Variants in PTPRD observed in about 807,000 individuals in gnomAD.
The protein encoded by PTPRD is protein tyrosine phosphatase receptor type D.
In PTPRD, 34 loss-of-function variants were observed where a neutral mutation model predicts 214.5. The ratio of observed to expected loss-of-function variants is 0.16; its 90% CI spans 0.12 to 0.21. The LOEUF is 0.21. Ranked by LOEUF, PTPRD falls within the 10% of genes least tolerant of loss-of-function variation. The pLI, the probability that PTPRD is intolerant of heterozygous loss-of-function variation, is 1.00. For missense variants in PTPRD, 2,545 were observed against 2,398.7 expected (o/e 1.06, Z -1.27); for synonymous variants, 1,128 against 845.7 (o/e 1.33, Z -5.79).
rs555225489 is a variant in PTPRD, at chr9:9,170,258, C to T, written c.-143+13046G>A. On this transcript the variant is annotated intron_variant, in intron 10 of 45. Coordinates refer to ENST00000381196, the MANE Select transcript of PTPRD (RefSeq NM_002839.4). ...CTGAATTATTTTTCTGAAACCCATA[C>T]CAAAAATGTTCATTAGAGTTCTTGT... Among the ~76,000 whole-genome samples the T allele has an allele frequency of 8.9e-4, 136 of 152,140 alleles. 4 individuals carry two copies. In the South Asian group the frequency reaches 0.027, roughly 30 times the overall value.
intron 12 of PTPRD, among the ~76,000 whole-genome samples, chr9:8,637,198 G>A (rs1468626034): frequency 6.6e-6 from 1 of 152,144 alleles, no homozygotes; most frequent in Non-Finnish European, 1.5e-5. Flanking sequence ...ATCAAAGTGG[G>A]TAAAATTTTA....
intron 12 of PTPRD, among the ~76,000 whole-genome samples, chr9:8,720,564 C>A (rs2098482210): frequency 6.6e-6 from 1 of 152,146 alleles, no homozygotes; most frequent in Non-Finnish European, 1.5e-5. Context: ...TGAAAGCAGA[C>A]CTTACTGCTG....
chr9:10,572,782 C>T (rs2067883937), intron 2 of PTPRD, among the ~76,000 whole-genome samples: 2 of 152,104 alleles, frequency 1.3e-5, no homozygotes, highest in Non-Finnish European at 2.9e-5. Context: ...TACTAATAAA[C>T]AACATCACTT....
At chr9:9,533,165 G>T (rs2075849110) in intron 8 of PTPRD, among the ~76,000 whole-genome samples, 1 of 152,108 alleles carries the variant, frequency 6.6e-6, no homozygotes, top group South Asian at 2.1e-4. Flanking sequence ...GGCTCCTTAA[G>T]GAGGGCATAT....
At chr9:10,189,606 G>A (rs2099353583) in intron 3 of PTPRD, among the ~76,000 whole-genome samples, 1 of 152,080 alleles carries the variant, frequency 6.6e-6, no homozygotes, top group African/African-American at 2.4e-5. Flanking sequence ...GTTTTGCAAT[G>A]TTCCACAACA....
intron 2 of PTPRD, among the ~76,000 whole-genome samples, chr9:10,366,252 C>T (rs1054215864): frequency 6.6e-5 from 10 of 152,114 alleles, no homozygotes; most frequent in Admixed American, 6.6e-4. Flanking sequence ...TTTCTGGAAA[C>T]CCAACTGGAG....
rs548693884 is a variant in PTPRD at position 8,948,624 on chromosome 9, A to G, written c.-104+70073T>C. The stretch of plus-strand genomic sequence containing the variant: ...GACATAGCTGTTATTTAATTTTAAG[A>G]GTGGGACATTTTCAGATTTACTTTA... On this transcript the variant is annotated intron_variant, in intron 11 of 45. Coordinates refer to ENST00000381196, the MANE Select transcript of PTPRD (RefSeq NM_002839.4). Among the ~76,000 whole-genome samples the G allele has an allele frequency of 3.8e-4, 50 of 129,908 alleles. No homozygotes were observed. In the East Asian group the frequency reaches 0.011, roughly 27 times the overall value. The allele number at this position is 129,908 out of a possible 152,430, so 85.2% of individuals were successfully genotyped here.
At chr9:8,844,848 AT>A (rs2097654019) in intron 11 of PTPRD, among the ~76,000 whole-genome samples, 2 of 152,170 alleles carry the variant, frequency 1.3e-5, no homozygotes. Flanking sequence ...AGTTGGTGTT[AT>A]TATTTAATGA....
intron 2 of PTPRD, among the ~76,000 whole-genome samples, chr9:10,524,392 T>C (rs571766067): frequency 6.6e-6 from 1 of 152,206 alleles, no homozygotes; most frequent in African/African-American, 2.4e-5. Flanking sequence ...TATTTTTTAA[T>C]TTTAAGCAAC....
intron 9 of PTPRD, among the ~76,000 whole-genome samples, chr9:9,392,681 C>T (rs139207913): frequency 1.4e-4 from 21 of 152,230 alleles, no homozygotes; most frequent in East Asian, 7.7e-4. Flanking sequence ...CTTGCTTTTA[C>T]GTAACACTGA....
At chr9:10,363,991 G>GTTTTTTTGGTTTT (rs1485501417) in intron 2 of PTPRD, among the ~76,000 whole-genome samples, 1 of 35,132 alleles carries the variant, frequency 2.8e-5, no homozygotes, top group Non-Finnish European at 5.5e-5. Flanking sequence ...ACATTTTCGG[G>GTTTTTTTGGTTTT]TTTTTTTTTT....
intron 33 of PTPRD, chr9:8,454,656 A>C: frequency 6.4e-7 from 1 of 1,565,864 alleles, no homozygotes; most frequent in East Asian, 2.2e-5. Flanking sequence ...GCCAATGGTA[A>C]CAAGGATAAC....
chr9:10,234,702 G>C (rs891989306), intron 3 of PTPRD, among the ~76,000 whole-genome samples: 1 of 151,860 alleles, frequency 6.6e-6, no homozygotes, highest in African/African-American at 2.4e-5. Context: ...AAATAAATAA[G>C]TGATCAAACT....
At chr9:9,916,905 A>T (rs1385389507) in intron 5 of PTPRD, among the ~76,000 whole-genome samples, 1 of 151,966 alleles carries the variant, frequency 6.6e-6, no homozygotes. Flanking sequence ...AATGATAACA[A>T]GAGGAACATT....
At chr9:8,555,696 T>C (rs559342759) in intron 14 of PTPRD, among the ~76,000 whole-genome samples, 5 of 152,326 alleles carry the variant, frequency 3.3e-5, no homozygotes, top group East Asian at 3.9e-4. Context: ...CAGTTTCCTA[T>C]AGTCAGGCAG....
intron 9 of PTPRD, among the ~76,000 whole-genome samples, chr9:9,364,091 CG>C (rs369991224): frequency 6.6e-6 from 1 of 151,272 alleles, no homozygotes; most frequent in African/African-American, 2.4e-5. Flanking sequence ...TTTCATGTGC[CG>C]ATCTTCAGAT....
At chr9:9,147,584 C>G (rs2099870836) in intron 10 of PTPRD, among the ~76,000 whole-genome samples, 1 of 151,896 alleles carries the variant, frequency 6.6e-6, no homozygotes, top group Non-Finnish European at 1.5e-5. Context: ...TTTTAATGTC[C>G]ATGAATAAAG....
At chr9:10,212,846 C>T (rs994136185) in intron 3 of PTPRD, among the ~76,000 whole-genome samples, 1 of 152,132 alleles carries the variant, frequency 6.6e-6, no homozygotes, top group African/African-American at 2.4e-5. Flanking sequence ...TTCTTTCCCA[C>T]AAGGCTTGAG....
chr9:9,173,362 C>G (rs931772320), intron 10 of PTPRD, among the ~76,000 whole-genome samples: 3 of 152,132 alleles, frequency 2.0e-5, no homozygotes, highest in African/African-American at 7.2e-5. Context: ...AGCTGGGTGT[C>G]TATTCGGATG....
Sources: gnomAD v4.1 joint callset for allele counts (sites outside exome capture counted in the v4.1 genomes callset) on GRCh38, gnomAD v4.1.1 for gene constraint, MANE v1.5 for transcripts, NCBI Gene and HGNC (gene_info 2026-07-23, HGNC 2026-07-21) for gene names.